Variants in ZNF146 observed in about 807,000 individuals in gnomAD.
The protein encoded by ZNF146 is zinc finger protein 146.
In ZNF146, 9 loss-of-function variants were observed where a neutral mutation model predicts 22.2. That is an observed-to-expected ratio of 0.41 (90% CI 0.24 to 0.71). The LOEUF (loss-of-function observed/expected upper bound fraction) is 0.71. Among genes scored for constraint, ZNF146 ranks in the 30% least tolerant of loss-of-function variants. The probability of loss-of-function intolerance (pLI) is 0.34; values close to 1 mark genes in which losing one functional copy is unlikely to be tolerated. For synonymous variants in ZNF146, 108 were observed against 119.2 expected, an observed-to-expected ratio of 0.91 and a Z score of 0.61; for missense variants, 194 against 344.8, an observed-to-expected ratio of 0.56 and a Z score of 3.46.
At chr19:36,220,702 G>A (rs1194860725) in intron 2 of ZNF146, among the ~76,000 whole-genome samples, 2 of 151,998 alleles carry the variant, frequency 1.3e-5, no homozygotes, top group Non-Finnish European at 2.9e-5. Context: ...TATGAAACAA[G>A]TTATAAGTAC....
Position 36,238,609 on chromosome 19 carries a change from G to GT in ZNF146, c.*1291dup, listed in dbSNP as rs1401208146. The GT allele has an allele frequency of 6.0e-6, 1 of 166,950 alleles. No homozygotes were observed. Among genetic ancestry groups the GT allele is most frequent in the Non-Finnish European group, 1.5e-5 (1 of 68,102 alleles). 10.3% of individuals were successfully genotyped at this position (166,950 alleles called of 1,614,324 possible). On this transcript the variant is annotated 3_prime_UTR_variant, in exon 4 of 4. Transcript: ENST00000443387. ...GAATGGGAGTGAGGATGGGAATGCTGTATCTGTGGAAGTCATGTTATACTG... is the reference window on the plus strand; with the variant it reads ...GAATGGGAGTGAGGATGGGAATGCTGTTATCTGTGGAAGTCATGTTATACTG...
intron 3 of ZNF146, among the ~76,000 whole-genome samples, chr19:36,234,859 T>C (rs1160625312): frequency 6.6e-6 from 1 of 152,198 alleles, no homozygotes; most frequent in East Asian, 1.9e-4. Flanking sequence ...TTCCATTTCA[T>C]ATGAAGGTGT....
At chr19:36,214,882 A>C (rs1031127614), upstream of ZNF146, 1 of 152,550 alleles carries the variant, frequency 6.6e-6, no homozygotes, top group Non-Finnish European at 1.5e-5. Context: ...CTAAAGGACT[A>C]CTTACCTCAA....
At chr19:36,218,537 C>G (rs1333236348) in intron 2 of ZNF146, among the ~76,000 whole-genome samples, 1 of 151,706 alleles carries the variant, frequency 6.6e-6, no homozygotes, top group African/African-American at 2.4e-5. Flanking sequence ...CTGATCTCGG[C>G]TCACTGCAGG....
At chr19:36,218,093 A>ATTTTTTTTTTTTTT (rs745884262) in intron 1 of ZNF146, 29 bp from the exon 2 acceptor site, 2 of 108,646 alleles carry the variant, frequency 1.8e-5, no homozygotes, top group African/African-American at 3.6e-5. Flanking sequence ...GCATGAGCTA[A>ATTTTTTTTTTTTTT]TTTTTTTTTT....
At chr19:36,220,900 A>G (rs939111173) in intron 2 of ZNF146, among the ~76,000 whole-genome samples, 1 of 150,044 alleles carries the variant, frequency 6.7e-6, no homozygotes, top group Non-Finnish European at 1.5e-5. Context: ...TGCCCAGGGC[A>G]GAGTGCAGTG....
intron 3 of ZNF146, among the ~76,000 whole-genome samples, chr19:36,235,359 TC>T (rs1977608001): frequency 6.6e-6 from 1 of 152,192 alleles, no homozygotes; most frequent in Non-Finnish European, 1.5e-5. Flanking sequence ...AGGTTATTTT[TC>T]AAGAGTACTT....
intron 2 of ZNF146, among the ~76,000 whole-genome samples, chr19:36,220,895 A>G (rs980441459): frequency 2.0e-5 from 3 of 149,126 alleles, no homozygotes; most frequent in African/African-American, 7.5e-5. Flanking sequence ...TCTTTTGCCC[A>G]GGGCAGAGTG....
At chr19:36,235,444 G>A (rs1977611523) in intron 3 of ZNF146, among the ~76,000 whole-genome samples, 1 of 152,072 alleles carries the variant, frequency 6.6e-6, no homozygotes, top group Admixed American at 6.6e-5. Flanking sequence ...TCATAATTTA[G>A]TTGGAAGCAT....
rs1164376398 is a variant in ZNF146, at chr19:36,237,809, T to C, written c.*490T>C. The C allele has an allele frequency of 6.0e-6, 1 of 167,094 alleles. No homozygotes were observed. Among genetic ancestry groups the C allele is most frequent in the Non-Finnish European group, 1.5e-5 (1 of 68,222 alleles). 10.4% of individuals were successfully genotyped at this position (167,094 alleles called of 1,614,324 possible). On this transcript the variant is annotated 3_prime_UTR_variant, in exon 4 of 4. Coordinates refer to ENST00000443387, the MANE Select transcript of ZNF146 (RefSeq NM_007145.3). ...ATATGATACAAGTGGCATCAGGAAA[T>C]GAGGAAATAATGGAACTATTTTTTT...
At chr19:36,221,201 A>G (rs1175104435) in intron 2 of ZNF146, among the ~76,000 whole-genome samples, 1 of 151,250 alleles carries the variant, frequency 6.6e-6, no homozygotes, top group Non-Finnish European at 1.5e-5. Context: ...TTCTAAAGTC[A>G]TTTGAAATCG....
In ZNF146 at chr19:36,237,437, A is replaced by G; in HGVS notation, c.*118A>G. 3 of 1,307,512 alleles carry G rather than the reference A, an allele frequency of 2.3e-6. No homozygotes were observed. Among genetic ancestry groups the G allele is most frequent in the East Asian group, 5.1e-5 (2 of 39,468 alleles). 81.0% of individuals were successfully genotyped at this position (1,307,512 alleles called of 1,614,324 possible). A position where few individuals can be genotyped will look rare whatever the true frequency, so the allele number is the denominator to read the frequency against. The stretch of plus-strand genomic sequence containing the variant: ...ACGAATGAGGTTAACTTTAACAAGT[A>G]CTAAAAACTTAAGGGACACCAGAAA... On this transcript the variant is annotated 3_prime_UTR_variant, in exon 4 of 4. Coordinates refer to ENST00000443387, the MANE Select transcript of ZNF146 (RefSeq NM_007145.3).
intron 3 of ZNF146, among the ~76,000 whole-genome samples, chr19:36,232,508 G>A (rs928591523): frequency 6.6e-6 from 1 of 151,478 alleles, no homozygotes; most frequent in Non-Finnish European, 1.5e-5. Flanking sequence ...GAAGGTCCAT[G>A]TTTTATTTTT....
chr19:36,224,108 ACGGT>A (rs1976974796), intron 2 of ZNF146, among the ~76,000 whole-genome samples: 1 of 152,174 alleles, frequency 6.6e-6, no homozygotes. Context: ...CTGGCTGGGC[ACGGT>A]GGCTCACGCC....
At chr19:36,223,422 G>A (rs1033420618) in intron 2 of ZNF146, among the ~76,000 whole-genome samples, 2 of 151,916 alleles carry the variant, frequency 1.3e-5, no homozygotes, top group African/African-American at 4.8e-5. Flanking sequence ...GAATGCAGTG[G>A]TGCGATTTCG....
At chr19:36,218,090 C>G (rs1390500452) in intron 1 of ZNF146, 32 bp from the exon 2 acceptor site, 1 of 69,396 alleles carries the variant, frequency 1.4e-5, no homozygotes, top group Non-Finnish European at 2.9e-5. Flanking sequence ...CAGGCATGAG[C>G]TAATTTTTTT....
At chr19:36,223,273 G>T (rs1976931020) in intron 2 of ZNF146, among the ~76,000 whole-genome samples, 1 of 150,846 alleles carries the variant, frequency 6.6e-6, no homozygotes, top group South Asian at 2.1e-4. Context: ...AAAAAATTTA[G>T]CCAGTCATTG....
chr19:36,226,911 C>A (rs1462095100), intron 2 of ZNF146, among the ~76,000 whole-genome samples: 1 of 151,876 alleles, frequency 6.6e-6, no homozygotes, highest in East Asian at 1.9e-4. Context: ...CAGAGAAACT[C>A]CGTCTCTACT....
rs1244342027 is a variant in ZNF146 at position 36,223,188 on chromosome 19, G to A, written c.-855+4993G>A. Among the ~76,000 whole-genome samples, 5 of 151,834 alleles carry A rather than the reference G, an allele frequency of 3.3e-5. No homozygotes were observed. The South Asian group carries it at 6.3e-4, about 19-fold the overall frequency. ...TCCCAGCACTTTGGGAGGCTGAGGC[G>A]GGTAGATCACTTGAGGTCAGGAGTT... is the stretch of plus-strand genomic sequence containing the variant. On this transcript the variant is annotated intron_variant, in intron 2 of 3. Transcript: ENST00000443387.
Sources: allele counts gnomAD v4.1 joint callset (sites outside exome capture counted in the v4.1 genomes callset), GRCh38; gene constraint gnomAD v4.1.1; transcripts MANE v1.5; gene names NCBI Gene and HGNC (gene_info 2026-07-23, HGNC 2026-07-21).